The following AKT3 variants were observed in gnomAD, a reference collection of about 807,000 sequenced individuals.
The protein encoded by AKT3 is RAC-gamma serine/threonine-protein kinase.
In AKT3, 15 loss-of-function variants were observed where a neutral mutation model predicts 65.3. The observed-to-expected ratio is 0.23, with a 90% CI of 0.15 to 0.35. The LOEUF is 0.35. AKT3 is among the 10% of genes least tolerant of loss of function. The pLI, the probability that AKT3 is intolerant of heterozygous loss-of-function variation, is 1.00. For missense variants in AKT3, 243 were observed against 576.5 expected (o/e 0.42, Z 5.92); for synonymous variants, 206 against 183.8 (o/e 1.12, Z -0.98).
At chr1:243,666,987 G>A (rs900019443) in intron 3 of AKT3, among the ~76,000 whole-genome samples, 1 of 152,164 alleles carries the variant, frequency 6.6e-6, no homozygotes, top group African/African-American at 2.4e-5. Flanking sequence ...GTGGCTGACT[G>A]CAAGCTGTGA....
At chr1:243,758,224 A>G (rs544018218) in intron 2 of AKT3, among the ~76,000 whole-genome samples, 10 of 152,362 alleles carry the variant, frequency 6.6e-5, no homozygotes, top group African/African-American at 2.2e-4. Context: ...ATGGGGGAGA[A>G]AAAAGGTTAT....
In AKT3 at chr1:243,572,841, AAACTGTAT is replaced by A. The variant is rs1157667342; in HGVS notation, c.819+77_819+84del. On this transcript the variant is annotated intron_variant, in intron 9 of 13. Coordinates refer to ENST00000673466, the MANE Select transcript of AKT3 (RefSeq NM_005465.7). ...TTCCCAACTAAATCTGCTTTTCTCAAAACTGTATAACTTTGTAATTACTTTATGTTTGT... is the reference window on the plus strand; with the variant it reads ...TTCCCAACTAAATCTGCTTTTCTCAAAACTTTGTAATTACTTTATGTTTGT... The A allele has an allele frequency of 3.7e-6, 5 of 1,338,208 alleles. No homozygotes were observed. In the East Asian group the frequency reaches 9.8e-5, roughly 26 times the overall value. 82.9% of individuals were successfully genotyped at this position (1,338,208 alleles called of 1,614,324 possible). A position where few individuals can be genotyped will look rare whatever the true frequency, so the allele number is the denominator to read the frequency against.
chr1:243,723,930 T>C (rs1687063551), intron 2 of AKT3, among the ~76,000 whole-genome samples: 1 of 152,058 alleles, frequency 6.6e-6, no homozygotes, highest in African/African-American at 2.4e-5. Flanking sequence ...GAAAAAAAGG[T>C]GTTTTCATTG....
At chr1:243,847,172 A>G (rs1282699827) in intron 1 of AKT3, among the ~76,000 whole-genome samples, 1 of 152,222 alleles carries the variant, frequency 6.6e-6, no homozygotes, top group African/African-American at 2.4e-5. Context: ...ATTAATGCAT[A>G]TTAACTTAAA....
intron 2 of AKT3, chr1:243,788,602 G>A (rs1040402550): frequency 3.9e-5 from 6 of 152,264 alleles, no homozygotes; most frequent in Admixed American, 6.5e-5. Context: ...AATAAAGTGA[G>A]TAACACAAAT....
chr1:243,806,466 T>C (rs1252304952), intron 2 of AKT3, among the ~76,000 whole-genome samples: 2 of 152,192 alleles, frequency 1.3e-5, no homozygotes, highest in Non-Finnish European at 2.9e-5. Flanking sequence ...AGTGCTAGCT[T>C]TGTGAATACC....
chr1:243,739,642 C>G (rs1338065981), intron 2 of AKT3: 5 of 152,148 alleles, frequency 3.3e-5, no homozygotes, highest in Admixed American at 2.0e-4. Flanking sequence ...AGAGATCATT[C>G]ACATCATCTT....
intron 10 of AKT3, among the ~76,000 whole-genome samples, chr1:243,561,279 G>A (rs1348329536): frequency 6.6e-6 from 1 of 152,022 alleles, no homozygotes; most frequent in African/African-American, 2.4e-5. Flanking sequence ...TATCATTGGG[G>A]ATTTATTTTA....
intron 2 of AKT3, among the ~76,000 whole-genome samples, chr1:243,737,420 CCTT>C (rs1037156590): frequency 1.3e-5 from 2 of 151,932 alleles, no homozygotes; most frequent in Non-Finnish European, 2.9e-5. Flanking sequence ...TTCTGTTATT[CCTT>C]CTTCTTCTTC....
At chr1:243,797,035 T>C (rs1245333108) in intron 2 of AKT3, among the ~76,000 whole-genome samples, 1 of 152,154 alleles carries the variant, frequency 6.6e-6, no homozygotes. Flanking sequence ...TGAAAAAAGT[T>C]CTGGAGGCAG....
chr1:243,849,124 G>C (rs1023098329), intron 1 of AKT3, among the ~76,000 whole-genome samples: 2 of 152,192 alleles, frequency 1.3e-5, no homozygotes, highest in Non-Finnish European at 2.9e-5. Flanking sequence ...AACCAGCTAG[G>C]CTTCAACTTT....
At chr1:243,845,599 A>AAAAAG (rs1259282414) in intron 1 of AKT3, among the ~76,000 whole-genome samples, 11 of 146,626 alleles carry the variant, frequency 7.5e-5, no homozygotes, top group South Asian at 4.4e-4. Flanking sequence ...AAAAAAAAAA[A>AAAAAG]AAAAGAAAAG....
At chr1:243,807,491 C>A (rs886561268) in intron 2 of AKT3, among the ~76,000 whole-genome samples, 1 of 152,186 alleles carries the variant, frequency 6.6e-6, no homozygotes, top group Non-Finnish European at 1.5e-5. Flanking sequence ...GAGGGAGGGG[C>A]GCCCGCCATT....
In AKT3 at chr1:243,500,812, C is replaced by G. The variant is rs1209891768; in HGVS notation, c.*4437G>C. On this transcript the variant is annotated 3_prime_UTR_variant, in exon 14 of 14. Coordinates refer to ENST00000673466, the MANE Select transcript of AKT3 (RefSeq NM_005465.7). ...CTACACACAGAGACCATTTGAATCTCTTGAGCATGTAAAAGGTTCAAGCCT... is the reference window on the plus strand; with the variant it reads ...CTACACACAGAGACCATTTGAATCTGTTGAGCATGTAAAAGGTTCAAGCCT... The G allele has an allele frequency of 4.4e-6, 1 of 228,978 alleles. No homozygotes were observed. Among genetic ancestry groups the G allele is most frequent in the Non-Finnish European group, 8.7e-6 (1 of 115,470 alleles). The allele number at this position is 228,978 out of a possible 1,614,324, so 14.2% of individuals were successfully genotyped here.
chr1:243,713,023 G>A (rs1370243821), intron 2 of AKT3, among the ~76,000 whole-genome samples: 5 of 152,162 alleles, frequency 3.3e-5, no homozygotes. Context: ...CGACATTTAA[G>A]TTCAAAGTAT....
intron 6 of AKT3, among the ~76,000 whole-genome samples, chr1:243,628,669 C>T (rs2147782142): frequency 6.6e-6 from 1 of 152,272 alleles, no homozygotes; most frequent in South Asian, 2.1e-4. Flanking sequence ...TTGCCACATC[C>T]TACTGTTCAA....
chr1:243,799,792 T>G (rs1370222085), intron 2 of AKT3, among the ~76,000 whole-genome samples: 2 of 152,250 alleles, frequency 1.3e-5, no homozygotes, highest in African/African-American at 2.4e-5. Flanking sequence ...CTCTAATTTT[T>G]AAACAAAGCA....
chr1:243,711,490 A>G (rs980036355), intron 2 of AKT3, among the ~76,000 whole-genome samples: 71 of 152,212 alleles, frequency 4.7e-4, no homozygotes, highest in Admixed American at 1.3e-3. Context: ...CTAAATAAAC[A>G]TAAGGTTCCA....
chr1:243,645,932 C>G lies in AKT3; in HGVS notation c.390G>C (p.Glu130Asp). ...SPTSQIDNIG[E>D]EEMDASTTHH... is the part of the protein sequence containing the mutation. Reference sequence around the variant, plus strand: ...GGGTTGTAGAGGCATCCATCTCTTCCTCTCCTATATTATCAATTTGTGAAG... The same window carrying G: ...GGGTTGTAGAGGCATCCATCTCTTCGTCTCCTATATTATCAATTTGTGAAG... Residue 130 changes from glutamate to aspartate, a missense_variant, in exon 5 of 14, where the codon GAG becomes GAC. By Grantham distance (45) the Glu-to-Asp change is conservative (BLOSUM62 2). Coordinates refer to ENST00000673466, the MANE Select transcript of AKT3 (RefSeq NM_005465.7). The G allele has an allele frequency of 6.2e-7, 1 of 1,612,176 alleles. No individual in the cohort carries two copies. The highest frequency in any genetic ancestry group is 8.5e-7 in the Non-Finnish European group (1 of 1,178,806).
Sources: allele counts gnomAD v4.1 joint callset (sites outside exome capture counted in the v4.1 genomes callset), GRCh38; gene constraint gnomAD v4.1.1; transcripts MANE v1.5; gene names NCBI Gene and HGNC (gene_info 2026-07-23, HGNC 2026-07-21).